POM121: variants seen among roughly 807,000 people sequenced by gnomAD.
The protein encoded by POM121 is nuclear envelope pore membrane protein POM 121.
Under a neutral mutation model 81.3 loss-of-function variants are expected in POM121, and 32 were observed. The observed-to-expected ratio is 0.39, with a 90% CI of 0.30 to 0.53. The LOEUF is 0.53. Ranked by LOEUF, POM121 falls within the 20% of genes least tolerant of loss-of-function variation. POM121 has a pLI of 0.66. For missense variants in POM121, 1,138 were observed against 1,614.6 expected (o/e 0.70, Z 5.06); for synonymous variants, 514 against 694.2 (o/e 0.74, Z 4.08).
chr7:72,904,326 T>C (rs2129575814), intron 3 of POM121, among the ~76,000 whole-genome samples: 1 of 152,346 alleles, frequency 6.6e-6, no homozygotes, highest in African/African-American at 2.4e-5. Context: ...CCCATGCTGT[T>C]AGCACGCCTC....
At chr7:72,923,589 A>ATTT (rs1187827150), upstream of POM121, among the ~76,000 whole-genome samples, 41 of 88,762 alleles carry the variant, frequency 4.6e-4, 3 homozygotes, top group East Asian at 1.5e-3. Flanking sequence ...CGCCCGGCTA[A>ATTT]TTTTTTTTTT....
At position 72,925,168 on chromosome 7, in the gene POM121, C is replaced by T. The variant is rs148094095; in HGVS notation, c.47C>T (p.Pro16Leu). 5.4e-3 allele frequency: 8,182 copies of T among 1,502,376 alleles called. 389 individuals carry two copies. The African/African-American group carries it at 0.1, about 19-fold the overall frequency. 93.1% of individuals were successfully genotyped at this position (1,502,376 alleles called of 1,614,324 possible). A position where few individuals can be genotyped will look rare whatever the true frequency, so the allele number is the denominator to read the frequency against. ...GCTGGAGCAGGCGAGCGGCGGCGGC[C>T]CATAGCGAGTGTCAGGGACGGCCGG... ...AAAGAGERRRPIASVRDGRGR... is the reference protein window; with the variant it reads ...AAAGAGERRRLIASVRDGRGR... The change falls in exon 1 of 13, where the codon CCC (proline) becomes CTC (leucine). Residue 16 changes from proline to leucine, a missense_variant. Physicochemically the swap from Pro to Leu is moderately conservative, Grantham distance 98. This residue lies in a region of POM121 where 646 missense variants were observed against 633.5 expected (regional missense o/e 1.02). Transcript: ENST00000434423.
At chr7:72,922,326 G>C (rs1316542775), upstream of POM121, among the ~76,000 whole-genome samples, 1 of 152,106 alleles carries the variant, frequency 6.6e-6, no homozygotes, top group African/African-American at 2.4e-5. Context: ...ATGTATTAGA[G>C]TTGTTTTTCC....
chr7:72,883,956 C>A (rs531626099), intron 1 of POM121, among the ~76,000 whole-genome samples: 1 of 152,210 alleles, frequency 6.6e-6, no homozygotes, highest in East Asian at 1.9e-4. Flanking sequence ...CACTCTGTCA[C>A]CCAGGCTGGC....
At chr7:72,923,112 A>AC (rs1794972064), upstream of POM121, among the ~76,000 whole-genome samples, 163 of 44,744 alleles carry the variant, frequency 3.6e-3, no homozygotes, top group Middle Eastern at 0.013. Flanking sequence ...GCTCCCCCCC[A>AC]ACCCCCCCCC....
chr7:72,912,502 C>T lies in POM121; in HGVS notation c.-215-1263C>T, dbSNP rs1472396825. ...AAGATAAGTGGGTTTTCTGGCCGGG[C>T]GTGGTGGCTCACACCTGTAATCCTA... On this transcript the variant is annotated intron_variant, in intron 3 of 15. Coordinates refer to the POM121 transcript ENST00000395270. Among the ~76,000 whole-genome samples the T allele has an allele frequency of 1.3e-4, 20 of 151,788 alleles. 1 individual carries two copies. Among genetic ancestry groups the T allele is most frequent in the African/African-American group, 4.6e-4 (19 of 41,438 alleles).
At chr7:72,914,976 C>G (rs1794159431) in intron 4 of POM121, among the ~76,000 whole-genome samples, 1 of 152,174 alleles carries the variant, frequency 6.6e-6, no homozygotes, top group South Asian at 2.1e-4. Flanking sequence ...TTTTTACTTA[C>G]AGGTGGTACC....
At chr7:72,907,778 T>A (rs1420512345) in intron 3 of POM121, among the ~76,000 whole-genome samples, 1 of 152,236 alleles carries the variant, frequency 6.6e-6, no homozygotes, top group Non-Finnish European at 1.5e-5. Flanking sequence ...CCCAAAGTGC[T>A]GATATTACAG....
chr7:72,888,702 G>A (rs1382103905), intron 1 of POM121, among the ~76,000 whole-genome samples: 1 of 149,912 alleles, frequency 6.7e-6, no homozygotes, highest in East Asian at 2.0e-4. Flanking sequence ...GTGTGTGTGT[G>A]TATACACACA....
chr7:72,921,110 G>T (rs1554495946), upstream of POM121, among the ~76,000 whole-genome samples: 1 of 152,138 alleles, frequency 6.6e-6, no homozygotes. Context: ...CTTGAACCTG[G>T]GAGGCGGAGG....
chr7:72,945,800 G>GT, intron 12 of POM121, 92 bp downstream of exon 12: 1 of 1,510,054 alleles, frequency 6.6e-7, no homozygotes, highest in Non-Finnish European at 8.9e-7. Context: ...GCCCGGTGAA[G>GT]ATCAGGTTCA....
In POM121 at chr7:72,942,207, T is replaced by C. The variant is rs1244864899; in HGVS notation, c.2214T>C (p.Ser738=). The C allele has an allele frequency of 1.2e-6, 2 of 1,609,214 alleles. No individual in the cohort carries two copies. Among genetic ancestry groups the C allele is most frequent in the Non-Finnish European group, 1.7e-6 (2 of 1,179,762 alleles). ...CCATTTTCACGGCTCCACCCAAGAG[T>C]GAGAAGGAAGGCCCCACACCGCCTG... ...FKPIFTAPPK[S]EKEGPTPPGP... The change falls in exon 11 of 13, where the codon AGT becomes AGC. Residue 738 remains serine (S), a synonymous_variant. Transcript: ENST00000434423.
intron 1 of POM121, among the ~76,000 whole-genome samples, chr7:72,885,379 TGTATC>T (rs1790605497): frequency 6.6e-6 from 1 of 151,760 alleles, no homozygotes; most frequent in Non-Finnish European, 1.5e-5. Context: ...TGTGCCCACT[TGTATC>T]AATTGTGGGG....
chr7:72,949,112 A>G (rs1554504190), downstream of POM121: 3 of 1,586,012 alleles, frequency 1.9e-6, no homozygotes, highest in Admixed American at 5.0e-5. Context: ...CCTAAGGAAA[A>G]GCGTGTCTCG....
chr7:72,946,537 C>T lies in POM121; in HGVS notation c.*303C>T, dbSNP rs1320713363. 1.1e-5 allele frequency: 13 copies of T among 1,138,534 alleles called. No homozygotes were observed. The African/African-American group carries it at 1.9e-4, about 17-fold the overall frequency. 70.5% of individuals were successfully genotyped at this position (1,138,534 alleles called of 1,614,324 possible). A position where few individuals can be genotyped will look rare whatever the true frequency, so the allele number is the denominator to read the frequency against. On this transcript the variant is annotated 3_prime_UTR_variant, in exon 13 of 13. Transcript: ENST00000434423. ...ATAGTGTCCGCTGCCCTGACTCCCG[C>T]TTAGCACACCCTTAGGCAGGCGCCC...
intron 3 of POM121, among the ~76,000 whole-genome samples, chr7:72,912,644 T>G (rs1190261249): frequency 6.6e-6 from 1 of 152,088 alleles, no homozygotes; most frequent in African/African-American, 2.4e-5. Context: ...CCAGGCATGG[T>G]GGTGCATGCC....
At chr7:72,938,823 G>A in intron 6 of POM121, 142 bp downstream of exon 6, 1 of 989,214 alleles carries the variant, frequency 1.0e-6, no homozygotes, top group Admixed American at 2.1e-5. Context: ...GAGGTACAAT[G>A]CAGTACCCAC....
intron 4 of POM121, among the ~76,000 whole-genome samples, chr7:72,914,532 C>T (rs540667887): frequency 2.8e-5 from 4 of 143,962 alleles, no homozygotes; most frequent in East Asian, 2.0e-4. Flanking sequence ...GATAGGGTCT[C>T]GCTGTAGAGA....
At chr7:72,933,510 TTTTCC>T (rs1214197775) in intron 5 of POM121, among the ~76,000 whole-genome samples, 1 of 152,214 alleles carries the variant, frequency 6.6e-6, no homozygotes, top group Non-Finnish European at 1.5e-5. Context: ...GTTCAAGAGT[TTTTCC>T]TATAGTAGAG....
Sources: gnomAD v4.1 joint callset for allele counts (sites outside exome capture counted in the v4.1 genomes callset) on GRCh38, gnomAD v4.1.1 for gene constraint, gnomAD v4.1.1 regional missense constraint, MANE v1.5 for transcripts, NCBI Gene and HGNC (gene_info 2026-07-23, HGNC 2026-07-21) for gene names.